LRP1B: variants seen among roughly 807,000 people sequenced by gnomAD.
The protein encoded by LRP1B is LDL receptor related protein 1B.
LRP1B carries 217 observed loss-of-function variants against 556.6 expected under a neutral mutation model. That is an observed-to-expected ratio of 0.39 (90% confidence interval 0.35 to 0.44). The LOEUF (loss-of-function observed/expected upper bound fraction) is 0.44, where lower values mean the gene tolerates loss of function less well. Ranked by LOEUF, LRP1B falls within the 20% of genes least tolerant of loss-of-function variation. The pLI is 1.00. For missense variants in LRP1B, 5,053 were observed against 5,620.8 expected (o/e 0.90, Z 3.23); for synonymous variants, 2,047 against 1,865.8 (o/e 1.10, Z -2.50).
chr2:141,754,209 C>G (rs1694240104), intron 2 of LRP1B, among the ~76,000 whole-genome samples: 1 of 151,986 alleles, frequency 6.6e-6, no homozygotes, highest in African/African-American at 2.4e-5. Flanking sequence ...TCCTCAGGCT[C>G]TCTCATTTTT....
At chr2:140,242,354 A>G (rs888535593) in intron 87 of LRP1B, among the ~76,000 whole-genome samples, 1 of 151,156 alleles carries the variant, frequency 6.6e-6, no homozygotes, top group Non-Finnish European at 1.5e-5. Context: ...AATATAATGC[A>G]TCAGTTTGTT....
At chr2:140,469,535 A>T (rs1014158728) in intron 60 of LRP1B, among the ~76,000 whole-genome samples, 2 of 152,192 alleles carry the variant, frequency 1.3e-5, no homozygotes, top group Non-Finnish European at 2.9e-5. Context: ...AGACACAAAA[A>T]ATATTAGGAT....
At chr2:141,749,164 T>C (rs1288657617) in intron 2 of LRP1B, among the ~76,000 whole-genome samples, 1 of 152,188 alleles carries the variant, frequency 6.6e-6, no homozygotes, top group Non-Finnish European at 1.5e-5. Context: ...TTTTATTCCC[T>C]CATTATACAG....
At chr2:140,794,804 G>T (rs933061772) in intron 32 of LRP1B, among the ~76,000 whole-genome samples, 4 of 151,710 alleles carry the variant, frequency 2.6e-5, no homozygotes, top group African/African-American at 9.7e-5. Context: ...GTAGAGACGG[G>T]GTTTCTCCAT....
At chr2:140,326,776 C>A in intron 79 of LRP1B, among the ~76,000 whole-genome samples, 1 of 151,998 alleles carries the variant, frequency 6.6e-6, no homozygotes, top group East Asian at 1.9e-4. Flanking sequence ...ATTTAATTTT[C>A]TCTGAGAGTG....
chr2:140,436,735 T>C (rs1686201341), intron 66 of LRP1B, among the ~76,000 whole-genome samples: 1 of 151,892 alleles, frequency 6.6e-6, no homozygotes, highest in South Asian at 2.1e-4. Flanking sequence ...TTCTGGATCC[T>C]GTGATATTGT....
intron 7 of LRP1B, among the ~76,000 whole-genome samples, chr2:141,142,795 C>G (rs1701686562): frequency 6.6e-6 from 1 of 151,846 alleles, no homozygotes; most frequent in African/African-American, 2.4e-5. Flanking sequence ...AACTGTTGAA[C>G]AGAGGGAGAT....
chr2:141,718,200 C>A (rs917430201), intron 2 of LRP1B, among the ~76,000 whole-genome samples: 1 of 152,214 alleles, frequency 6.6e-6, no homozygotes, highest in African/African-American at 2.4e-5. Context: ...CCATTGACAG[C>A]AAACTTATAA....
chr2:142,052,013 T>G (rs999615098), intron 1 of LRP1B, among the ~76,000 whole-genome samples: 1 of 152,146 alleles, frequency 6.6e-6, no homozygotes, highest in Non-Finnish European at 1.5e-5. Flanking sequence ...TATTTAAATA[T>G]TGGACCTATG....
intron 1 of LRP1B, among the ~76,000 whole-genome samples, chr2:142,058,034 A>G (rs1704743213): frequency 6.6e-6 from 1 of 152,154 alleles, no homozygotes; most frequent in South Asian, 2.1e-4. Flanking sequence ...CAATAAGACA[A>G]CACAAGGTGT....
intron 1 of LRP1B, among the ~76,000 whole-genome samples, chr2:141,836,632 A>G (rs1377988661): frequency 6.6e-6 from 1 of 151,970 alleles, no homozygotes; most frequent in African/African-American, 2.4e-5. Context: ...TGTAACACAT[A>G]TATCAATTAA....
At chr2:141,865,333 C>A (rs537504669) in intron 1 of LRP1B, among the ~76,000 whole-genome samples, 1 of 152,130 alleles carries the variant, frequency 6.6e-6, no homozygotes, top group Non-Finnish European at 1.5e-5. Context: ...TGGCTCACGC[C>A]TGTAATCCCA....
At chr2:141,775,620 A>AGAGTG (rs1695040404) in intron 2 of LRP1B, among the ~76,000 whole-genome samples, 1 of 152,206 alleles carries the variant, frequency 6.6e-6, no homozygotes, top group Non-Finnish European at 1.5e-5. Context: ...ACCTGGTGGC[A>AGAGTG]GAGTGGAGTG....
intron 3 of LRP1B, among the ~76,000 whole-genome samples, chr2:141,293,367 G>T (rs1686049131): frequency 6.6e-6 from 1 of 152,146 alleles, no homozygotes. Flanking sequence ...TAATTATGTG[G>T]TTTAGGGTAT....
intron 7 of LRP1B, among the ~76,000 whole-genome samples, chr2:141,155,456 TTTTTA>T (rs1202696657): frequency 3.4e-5 from 5 of 145,184 alleles, no homozygotes; most frequent in South Asian, 4.4e-4. Context: ...CTAATTTCCA[TTTTTA>T]TTTTATTTTT....
chr2:140,763,933 C>T (rs367934579), intron 35 of LRP1B, among the ~76,000 whole-genome samples: 2 of 152,022 alleles, frequency 1.3e-5, no homozygotes. Context: ...GTTTCACTGT[C>T]ACAAGAACAA....
chr2:140,811,779 C>G lies in LRP1B; in HGVS notation c.5359+1878G>C, dbSNP rs1345354703. ...TTTAAAAAAAGTCATCTTATAGACA[C>G]TATGAAACAATTGTCAATAAATTCC... On this transcript the variant is annotated intron_variant, in intron 32 of 90. Transcript: ENST00000389484. Among the ~76,000 whole-genome samples the G allele has an allele frequency of 5.9e-5, 9 of 151,962 alleles. 1 individual carries two copies. The East Asian group carries it at 1.7e-3, about 29-fold the overall frequency.
intron 3 of LRP1B, among the ~76,000 whole-genome samples, chr2:141,449,339 T>C (rs1681321223): frequency 1.3e-5 from 2 of 152,218 alleles, no homozygotes; most frequent in Non-Finnish European, 2.9e-5. Flanking sequence ...CATGCAAATG[T>C]GAATAATTTT....
intron 3 of LRP1B, among the ~76,000 whole-genome samples, chr2:141,259,814 C>T (rs1293531881): frequency 6.6e-6 from 1 of 152,080 alleles, no homozygotes; most frequent in East Asian, 1.9e-4. Flanking sequence ...ACCTCATAAG[C>T]TTGTTGGGAG....
Sources: gnomAD v4.1 joint callset for allele counts (sites outside exome capture counted in the v4.1 genomes callset) on GRCh38, gnomAD v4.1.1 for gene constraint, MANE v1.5 for transcripts, NCBI Gene and HGNC (gene_info 2026-07-23, HGNC 2026-07-21) for gene names.